KIF26B: variants seen among roughly 807,000 people sequenced by gnomAD.
KIF26B encodes the protein kinesin-like protein KIF26B.
A neutral mutation model predicts 151.2 loss-of-function variants in KIF26B; 63 were observed. The ratio of observed to expected loss-of-function variants is 0.42; its 90% CI spans 0.34 to 0.51. The LOEUF (loss-of-function observed/expected upper bound fraction) is 0.51, where lower values mean the gene tolerates loss of function less well. Among genes scored for constraint, KIF26B ranks in the 20% least tolerant of loss-of-function variants. The pLI is 0.07. For missense variants in KIF26B, 2,813 were observed against 2,913.6 expected (o/e 0.97, Z 0.79); for synonymous variants, 1,357 against 1,262.1 (o/e 1.08, Z -1.59).
At position 245,679,457 on chromosome 1, in the gene KIF26B, G is replaced by GTTTTTTTTTTTTTTTTTTTT. The variant is rs35663208; in HGVS notation, c.2259-4766_2259-4747dup. 6.8e-5 allele frequency among the ~76,000 whole-genome samples: 4 copies of GTTTTTTTTTTTTTTTTTTTT among 59,176 alleles called. 1 individual carries two copies. Among genetic ancestry groups the GTTTTTTTTTTTTTTTTTTTT allele is most frequent in the Non-Finnish European group, 9.6e-5 (3 of 31,304 alleles). 38.8% of individuals were successfully genotyped at this position (59,176 alleles called of 152,430 possible). On this transcript the variant is annotated intron_variant, in intron 10 of 14. Transcript: ENST00000407071. Reference sequence around the variant, plus strand: ...GGTTTTTTGTGTTTTTTTTGTGTGTGTTTTTTTTTTTTTTTTTTTTTTTTT... The same window carrying GTTTTTTTTTTTTTTTTTTTT: ...GGTTTTTTGTGTTTTTTTTGTGTGTGTTTTTTTTTTTTTTTTTTTTTTTTTTTTTTTTTTTTTTTTTTTTT...
intron 9 of KIF26B, among the ~76,000 whole-genome samples, chr1:245,632,496 C>G (rs936615598): frequency 6.6e-6 from 1 of 152,200 alleles, no homozygotes; most frequent in Non-Finnish European, 1.5e-5. Flanking sequence ...TATTTTGCAG[C>G]ACTTGAATGA....
chr1:245,617,540 C>T (rs1334061627), intron 9 of KIF26B, among the ~76,000 whole-genome samples: 1 of 152,118 alleles, frequency 6.6e-6, no homozygotes, highest in Non-Finnish European at 1.5e-5. Flanking sequence ...AGGAAAGAAC[C>T]TTGCTTCTAA....
In KIF26B at chr1:245,495,692, T is replaced by C. The variant is rs71636563; in HGVS notation, c.1167-45075T>C. ...TTTCTCAGCCTCTAACACCTAAAAT[T>C]CTACTTCAAAATGTGATTTAAGAAG... is the stretch of plus-strand genomic sequence containing the variant. On this transcript the variant is annotated intron_variant, in intron 4 of 14. Transcript: ENST00000407071. The surrounding 1 kb of genome is among the most constrained non-coding windows in gnomAD (Gnocchi z 4.2). Among the ~76,000 whole-genome samples the C allele has an allele frequency of 0.033, 5,032 of 152,250 alleles. 133 individuals are homozygous for C. Among genetic ancestry groups the C allele is most frequent in the Non-Finnish European group, 0.05 (3,377 of 68,012 alleles).
chr1:245,555,887 G>A (rs1245248691), intron 5 of KIF26B, among the ~76,000 whole-genome samples: 1 of 152,302 alleles, frequency 6.6e-6, no homozygotes, highest in Admixed American at 6.5e-5. Flanking sequence ...CAATCATTTA[G>A]CAGTTTCCAG....
intron 4 of KIF26B, among the ~76,000 whole-genome samples, chr1:245,451,886 C>T (rs1404528316): frequency 1.3e-5 from 2 of 152,086 alleles, no homozygotes; most frequent in Non-Finnish European, 1.5e-5. Flanking sequence ...AGGTATGAGC[C>T]ACCATGCCTG....
rs780563530 is a variant in KIF26B, at chr1:245,625,994, A to G, written c.2098+14018A>G. Among the ~76,000 whole-genome samples the G allele has an allele frequency of 1.4e-4, 21 of 152,316 alleles. No homozygotes were observed. In the Middle Eastern group the frequency reaches 0.014, roughly 99 times the overall value. ...CAAATGACAGGATTTGAGTTTTTGTATAACTACTAGTATTCCATTGTGTAT... is the reference window on the plus strand; with the variant it reads ...CAAATGACAGGATTTGAGTTTTTGTGTAACTACTAGTATTCCATTGTGTAT... On this transcript the variant is annotated intron_variant, in intron 9 of 14. Transcript: ENST00000407071.
intron 3 of KIF26B, among the ~76,000 whole-genome samples, chr1:245,391,445 A>G (rs1673696778): frequency 6.6e-6 from 1 of 152,194 alleles, no homozygotes; most frequent in Non-Finnish European, 1.5e-5. Flanking sequence ...CTCAACGGAA[A>G]CCACATATCC....
chr1:245,297,081 G>A lies in KIF26B; in HGVS notation c.466-69753G>A, dbSNP rs566812451. 7.7e-5 allele frequency among the ~76,000 whole-genome samples: 10 copies of A among 130,502 alleles called. No individual in the cohort carries two copies. In the East Asian group the frequency reaches 1.0e-3, roughly 13 times the overall value. 85.6% of individuals were successfully genotyped at this position (130,502 alleles called of 152,430 possible). The stretch of plus-strand genomic sequence containing the variant: ...GTGAAGGCCAGGCATGGTGGCTCAC[G>A]CCTGTAATCCCAACACTTTGGGAGG... On this transcript the variant is annotated intron_variant, in intron 2 of 14. Transcript: ENST00000407071.
At chr1:245,681,302 C>CG (rs2044435910) in intron 10 of KIF26B, among the ~76,000 whole-genome samples, 1 of 151,912 alleles carries the variant, frequency 6.6e-6, no homozygotes, top group Admixed American at 6.6e-5. Flanking sequence ...CTCCACCCCC[C>CG]GGGTTCACGC....
In KIF26B at chr1:245,708,310, A is replaced by G. The variant is rs2044866946; in HGVS notation, c.*5704A>G. 6.6e-6 allele frequency: 1 copy of G among 152,246 alleles called. No individual in the cohort carries two copies. Among genetic ancestry groups the G allele is most frequent in the Non-Finnish European group, 1.5e-5 (1 of 68,048 alleles). The allele number at this position is 152,246 out of a possible 1,614,324, so 9.4% of individuals were successfully genotyped here. ...GTCTAGGAGCTGGGGGTAATCATTT[A>G]CAGATGAAGAAACTGAAGTCTAGTC... On this transcript the variant is annotated 3_prime_UTR_variant, in exon 15 of 15. Transcript: ENST00000407071.
intron 4 of KIF26B, among the ~76,000 whole-genome samples, chr1:245,523,356 A>C (rs1661172762): frequency 6.6e-6 from 1 of 152,218 alleles, no homozygotes; most frequent in Non-Finnish European, 1.5e-5. Flanking sequence ...TGAAGTCATC[A>C]GCTTAAAAGT....
chr1:245,398,135 T>C, intron 3 of KIF26B, among the ~76,000 whole-genome samples: 1 of 152,204 alleles, frequency 6.6e-6, no homozygotes, highest in East Asian at 1.9e-4. Flanking sequence ...CCTCTAGGGT[T>C]TGGCTCTACT....
intron 2 of KIF26B, among the ~76,000 whole-genome samples, chr1:245,275,231 C>A (rs1057320480): frequency 1.3e-5 from 2 of 151,636 alleles, no homozygotes; most frequent in Admixed American, 6.6e-5. Flanking sequence ...GGATATTAGT[C>A]CTTTGTCAGA....
chr1:245,557,567 C>A (rs12145678), intron 5 of KIF26B, among the ~76,000 whole-genome samples: 34,075 of 152,082 alleles, frequency 0.22, 4,273 homozygotes, highest in Middle Eastern at 0.32. Flanking sequence ...GCTGTGGGAG[C>A]ACCTCTTCCT....
At chr1:245,598,209 T>C (rs985078029) in intron 5 of KIF26B, among the ~76,000 whole-genome samples, 1 of 152,156 alleles carries the variant, frequency 6.6e-6, no homozygotes, top group Non-Finnish European at 1.5e-5. Flanking sequence ...GCATTTATTG[T>C]GGCCAAGACT....
chr1:245,659,962 C>A (rs376886904), intron 10 of KIF26B, among the ~76,000 whole-genome samples: 2 of 151,384 alleles, frequency 1.3e-5, no homozygotes, highest in Middle Eastern at 3.2e-3. Flanking sequence ...GCAGGCGAAT[C>A]GCTTGAACCC....
chr1:245,213,093 T>C (rs1245719850), intron 2 of KIF26B, among the ~76,000 whole-genome samples: 1 of 152,214 alleles, frequency 6.6e-6, no homozygotes. Context: ...TTTTTTCCAA[T>C]TAACCTTGTT....
In KIF26B at chr1:245,606,568, C is replaced by T. The variant is rs1048401389; in HGVS notation, c.1558-1083C>T. ...CACAAAACCGACAGCTCTGATGGCT[C>T]GCAGAGCTCTGTATTAGCGGGTGTT... On this transcript the variant is annotated intron_variant, in intron 6 of 14. Transcript: ENST00000407071. This position sits in a 1 kb window ranked among gnomAD's most constrained non-coding sequence, Gnocchi z 4.6. Among the ~76,000 whole-genome samples, 4 of 152,196 alleles carry T rather than the reference C, an allele frequency of 2.6e-5. No individual in the cohort carries two copies. Among genetic ancestry groups the T allele is most frequent in the South Asian group, 2.1e-4 (1 of 4,824 alleles).
At chr1:245,310,743 G>A (rs532996515) in intron 2 of KIF26B, among the ~76,000 whole-genome samples, 2 of 152,336 alleles carry the variant, frequency 1.3e-5, no homozygotes, top group African/African-American at 4.8e-5. Context: ...CAGCAACGCG[G>A]GACGATGGGG....
Sources: allele counts gnomAD v4.1 joint callset (sites outside exome capture counted in the v4.1 genomes callset), GRCh38; gene constraint gnomAD v4.1.1; non-coding constraint Gnocchi (gnomAD v3.1); transcripts MANE v1.5; gene names NCBI Gene and HGNC (gene_info 2026-07-23, HGNC 2026-07-21).